CACHD1: variants seen among roughly 807,000 people sequenced by gnomAD.
CACHD1 encodes the protein VWFA and cache domain-containing protein 1.
CACHD1 carries 71 observed loss-of-function variants against 138.7 expected under a neutral mutation model. That is an observed-to-expected ratio of 0.51 (90% confidence interval 0.42 to 0.62). The LOEUF (loss-of-function observed/expected upper bound fraction) is 0.62, where lower values mean the gene tolerates loss of function less well. CACHD1 is among the 20% of genes least tolerant of loss of function. The pLI is 0.00. For missense variants in CACHD1, 1,389 were observed against 1,625.3 expected (o/e 0.85, Z 2.50); for synonymous variants, 578 against 591.5 (o/e 0.98, Z 0.33).
chr1:64,652,138 T>A (rs555737283), intron 9 of CACHD1, 23 bp from the exon 10 acceptor site: 63 of 1,586,458 alleles, frequency 4.0e-5, no homozygotes, highest in Non-Finnish European at 5.1e-5. Context: ...GGTCTTTAGA[T>A]TTATTTTGTT....
intron 4 of CACHD1, among the ~76,000 whole-genome samples, chr1:64,628,631 A>G (rs947522595): frequency 1.3e-5 from 2 of 152,154 alleles, no homozygotes; most frequent in African/African-American, 2.4e-5. Context: ...GCAGTATAGC[A>G]TGATGTAAGG....
chr1:64,647,787 G>A lies in CACHD1; in HGVS notation c.1157-14G>A. The A allele has an allele frequency of 2.5e-6, 4 of 1,612,736 alleles. No homozygotes were observed. The Admixed American group carries it at 6.7e-5, about 27-fold the overall frequency. On this transcript the variant is annotated splice_polypyrimidine_tract_variant and intron_variant, in intron 8 of 26. Coordinates refer to ENST00000651257, the MANE Select transcript of CACHD1 (RefSeq NM_020925.4). The stretch of plus-strand genomic sequence containing the variant: ...TTTTGCTTTCCGTGGTCTTCTCTCG[G>A]CTTTCCATTTTAGATGGGGTGACTG...
intron 26 of CACHD1, among the ~76,000 whole-genome samples, chr1:64,686,191 A>C (rs1650365695): frequency 6.6e-6 from 1 of 152,214 alleles, no homozygotes; most frequent in African/African-American, 2.4e-5. Context: ...CTCCCTGATA[A>C]GCGTATTTCC....
chr1:64,633,421 T>A (rs141941835), intron 6 of CACHD1, among the ~76,000 whole-genome samples: 4 of 152,274 alleles, frequency 2.6e-5, no homozygotes, highest in Admixed American at 2.6e-4. Context: ...TAATTAGCCA[T>A]GACTTTCACA....
chr1:64,532,180 A>G (rs1236935828), intron 1 of CACHD1, among the ~76,000 whole-genome samples: 1 of 152,230 alleles, frequency 6.6e-6, no homozygotes, highest in East Asian at 1.9e-4. Flanking sequence ...TCTAAGTAGC[A>G]GAGAGAGACT....
intron 2 of CACHD1, among the ~76,000 whole-genome samples, chr1:64,551,322 T>C (rs190199217): frequency 6.6e-6 from 1 of 152,244 alleles, no homozygotes; most frequent in Non-Finnish European, 1.5e-5. Flanking sequence ...TATAGCTGGC[T>C]TCAGATGAAC....
In CACHD1 at chr1:64,654,739, G is replaced by C; in HGVS notation, c.1718G>C (p.Trp573Ser). 1 of 1,613,950 alleles carries C rather than the reference G, an allele frequency of 6.2e-7. No homozygotes were observed. The highest frequency in any genetic ancestry group is 8.5e-7 in the Non-Finnish European group (1 of 1,179,886). ...IAVPVNSSLS[W>S]HINKLRETGK... ...GTCCCTGTGAACTCATCCCTGTCTTGGCACATAAACAAGCTGAGAGAAACT... is the reference window on the plus strand; with the variant it reads ...GTCCCTGTGAACTCATCCCTGTCTTCGCACATAAACAAGCTGAGAGAAACT... The change falls in exon 12 of 27, where the codon TGG becomes TCG. Residue 573 changes from tryptophan to serine, a missense_variant. Trp to Ser is a radical substitution (Grantham distance 177). Around this residue, in one of 5 missense-constraint regions of CACHD1, gnomAD observed 1,000 missense variants for 1,114.7 expected, o/e 0.90. Transcript: ENST00000651257.
intron 1 of CACHD1, among the ~76,000 whole-genome samples, chr1:64,474,665 A>G (rs560257098): frequency 6.6e-6 from 1 of 152,336 alleles, no homozygotes; most frequent in South Asian, 2.1e-4. Context: ...CGAGGAGGAG[A>G]TAAGATTGCA....
intron 1 of CACHD1, 97 bp downstream of exon 1, chr1:64,471,039 G>T: frequency 8.0e-7 from 1 of 1,244,544 alleles, no homozygotes; most frequent in Non-Finnish European, 1.1e-6. Flanking sequence ...GTGTGCATCG[G>T]CTCCTTGCAT....
chr1:64,690,983 G>T (rs537847198), intron 26 of CACHD1, among the ~76,000 whole-genome samples: 9 of 152,222 alleles, frequency 5.9e-5, no homozygotes, highest in Admixed American at 5.9e-4. Flanking sequence ...GTGGTGGCTC[G>T]CCATGGATGA....
At chr1:64,647,412 C>T (rs1312605933) in intron 8 of CACHD1, among the ~76,000 whole-genome samples, 2 of 152,192 alleles carry the variant, frequency 1.3e-5, no homozygotes, top group East Asian at 3.8e-4. Context: ...CTTACAGTTT[C>T]ATCTACTACA....
Position 64,675,898 on chromosome 1 carries a change from A to G in CACHD1, c.2890A>G (p.Met964Val). The G allele has an allele frequency of 1.3e-6, 2 of 1,534,294 alleles. No individual in the cohort carries two copies. The highest frequency in any genetic ancestry group is 1.3e-5 in the South Asian group (1 of 74,664). The change falls in exon 21 of 27, where the codon ATG (methionine) becomes GTG (valine). Residue 964 changes from methionine to valine, a missense_variant and splice_region_variant. By Grantham distance (21) the Met-to-Val change is conservative. Coordinates refer to ENST00000651257, the MANE Select transcript of CACHD1 (RefSeq NM_020925.4). Reference sequence around the variant, plus strand: ...AGTAACTTTCTTTTTGCTTTTCAGAATGGAACAAAATGAATGTGAATGTCC... The same window carrying G: ...AGTAACTTTCTTTTTGCTTTTCAGAGTGGAACAAAATGAATGTGAATGTCC... ...VDRLCLNCHR[M>V]EQNECECPCE...
intron 2 of CACHD1, among the ~76,000 whole-genome samples, chr1:64,567,504 C>T (rs1646891937): frequency 6.6e-6 from 1 of 152,064 alleles, no homozygotes. Flanking sequence ...TAAGTCATCC[C>T]ATTAAATTTG....
intron 5 of CACHD1, among the ~76,000 whole-genome samples, chr1:64,631,855 T>G (rs1339319851): frequency 6.6e-6 from 1 of 152,152 alleles, no homozygotes; most frequent in African/African-American, 2.4e-5. Flanking sequence ...CAGTTTTAAA[T>G]GCTCAGATAA....
intron 16 of CACHD1, among the ~76,000 whole-genome samples, chr1:64,666,495 C>T (rs1649636943): frequency 6.6e-6 from 1 of 152,080 alleles, no homozygotes; most frequent in East Asian, 1.9e-4. Flanking sequence ...GAAGAAATAT[C>T]CACTTTAAAC....
chr1:64,575,194 A>G (rs773935369), intron 2 of CACHD1, among the ~76,000 whole-genome samples: 9 of 152,246 alleles, frequency 5.9e-5, no homozygotes, highest in Non-Finnish European at 1.3e-4. Context: ...TTTAAGGGAT[A>G]TCATTTCTGT....
intron 4 of CACHD1, among the ~76,000 whole-genome samples, chr1:64,623,884 G>T (rs1648004561): frequency 6.6e-6 from 1 of 152,218 alleles, no homozygotes; most frequent in African/African-American, 2.4e-5. Context: ...TTGGGCATCT[G>T]CCCAGCTTTT....
chr1:64,658,684 A>G, intron 12 of CACHD1, 21 bp from the exon 13 acceptor site: 1 of 1,581,242 alleles, frequency 6.3e-7, no homozygotes, highest in Non-Finnish European at 8.6e-7. Context: ...TAGGTCAGAA[A>G]TTCTTTATTG....
At chr1:64,660,593 C>T (rs1468015766) in intron 13 of CACHD1, among the ~76,000 whole-genome samples, 1 of 151,730 alleles carries the variant, frequency 6.6e-6, no homozygotes, top group Non-Finnish European at 1.5e-5. Flanking sequence ...TACAGTGGCA[C>T]GATCTTGGCT....
Sources: gnomAD v4.1 joint callset for allele counts (sites outside exome capture counted in the v4.1 genomes callset) on GRCh38, gnomAD v4.1.1 for gene constraint, gnomAD v4.1.1 regional missense constraint, MANE v1.5 for transcripts, NCBI Gene and HGNC (gene_info 2026-07-23, HGNC 2026-07-21) for gene names.